MMP26: variants seen among roughly 807,000 people sequenced by gnomAD.
MMP26 encodes matrix metallopeptidase 26, also known as matrix metalloproteinase-26.
In MMP26, 33 loss-of-function variants were observed where a neutral mutation model predicts 31.0. That is an observed-to-expected ratio of 1.06 (90% CI 0.81 to 1.42). The LOEUF is 1.42. MMP26 is among the 40% of genes most tolerant of loss of function. The probability of loss-of-function intolerance (pLI) is 0.00; values close to 1 mark genes in which losing one functional copy is unlikely to be tolerated. For synonymous variants in MMP26, 122 were observed against 114.9 expected (o/e 1.06, Z -0.40); for missense variants, 347 against 316.1 (o/e 1.10, Z -0.74).
At chr11:4,946,091 A>G in intron 2 of MMP26, 3 of 1,375,702 alleles carry the variant, frequency 2.2e-6, no homozygotes, top group Admixed American at 3.6e-5. Flanking sequence ...GGTGTCAAAT[A>G]TTAGGTTTCT....
rs77560933 is a variant in MMP26 at position 4,818,581 on chromosome 11, G to A, written c.-145+51240G>A. Among the ~76,000 whole-genome samples, 1,486 of 151,528 alleles carry A rather than the reference G, an allele frequency of 9.8e-3. 22 individuals are homozygous for A. Among genetic ancestry groups the A allele is most frequent in the African/African-American group, 0.025 (1,024 of 41,328 alleles). Reference sequence around the variant, plus strand: ...TTCATCTTTGTTAATTGCTTCTTTCGATATTTATTTAATTATAATCCCAGC... The same window carrying A: ...TTCATCTTTGTTAATTGCTTCTTTCAATATTTATTTAATTATAATCCCAGC... On this transcript the variant is annotated intron_variant, in intron 2 of 7. Transcript: ENST00000380390.
At chr11:4,900,318 A>G (rs1424897736) in intron 2 of MMP26, among the ~76,000 whole-genome samples, 1 of 152,176 alleles carries the variant, frequency 6.6e-6, no homozygotes, top group Non-Finnish European at 1.5e-5. Flanking sequence ...TACACCCATC[A>G]TATGTGTCAA....
chr11:4,841,549 A>C (rs1849796484), intron 2 of MMP26, among the ~76,000 whole-genome samples: 1 of 152,198 alleles, frequency 6.6e-6, no homozygotes, highest in Admixed American at 6.5e-5. Context: ...TAATATATCC[A>C]GTGAAAATAT....
intron 2 of MMP26, chr11:4,847,960 A>G (rs896694221): frequency 7.8e-6 from 3 of 383,618 alleles, no homozygotes; most frequent in Non-Finnish European, 1.4e-5. Flanking sequence ...CAATAAGATA[A>G]CAACAGGCAC....
At chr11:4,946,724 A>C in intron 2 of MMP26, 1 of 1,589,818 alleles carries the variant, frequency 6.3e-7, no homozygotes, top group Non-Finnish European at 8.6e-7. Flanking sequence ...GTGGATGGCT[A>C]GGAATCTATC....
Position 4,793,746 on chromosome 11 carries a change from A to G in MMP26, c.-145+26405A>G, listed in dbSNP as rs549159284. ...TGGTCCTTGATTAACAGGAATAAAG[A>G]AAATCAAGTTGGTGATTCTATGGCA... On this transcript the variant is annotated intron_variant, in intron 2 of 7. Coordinates refer to ENST00000380390, the MANE Select transcript of MMP26 (RefSeq NM_021801.5). The G allele has an allele frequency of 5.3e-5, 8 of 152,336 alleles. No homozygotes were observed. In the Middle Eastern group the frequency reaches 0.014, roughly 259 times the overall value. The allele number at this position is 152,336 out of a possible 1,614,324, so 9.4% of individuals were successfully genotyped here. A position where few individuals can be genotyped will look rare whatever the true frequency, so the allele number is the denominator to read the frequency against.
intron 2 of MMP26, chr11:4,882,339 G>C: frequency 6.2e-7 from 1 of 1,613,616 alleles, no homozygotes; most frequent in South Asian, 1.1e-5. Flanking sequence ...CTGGTGATAG[G>C]GCTGGTCATC....
At chr11:4,840,006 G>A (rs1267046920) in intron 2 of MMP26, among the ~76,000 whole-genome samples, 2 of 152,072 alleles carry the variant, frequency 1.3e-5, no homozygotes, top group African/African-American at 4.8e-5. Context: ...AAGAGCCCTT[G>A]GGCCTTACAG....
rs73403061 is a variant in MMP26 at position 4,827,664 on chromosome 11, A to C, written c.-145+60323A>C. Among the ~76,000 whole-genome samples the C allele has an allele frequency of 4.3e-3, 657 of 152,126 alleles. 9 individuals carry two copies. Among genetic ancestry groups the C allele is most frequent in the African/African-American group, 0.015 (613 of 41,548 alleles). ...GTTATTATTTATTGTTGTTAACAAT[A>C]AATAAAAAGGAGAAGTAAGGGAAAG... is the stretch of plus-strand genomic sequence containing the variant. On this transcript the variant is annotated intron_variant, in intron 2 of 7. Transcript: ENST00000380390.
chr11:4,804,520 A>G (rs1335933902), intron 2 of MMP26: 5 of 791,372 alleles, frequency 6.3e-6, no homozygotes, highest in Admixed American at 1.7e-5. Context: ...ATTATAAACT[A>G]GAATAATTTC....
At chr11:4,974,280 G>A (rs951581179) in intron 2 of MMP26, among the ~76,000 whole-genome samples, 1 of 150,894 alleles carries the variant, frequency 6.6e-6, no homozygotes, top group Non-Finnish European at 1.5e-5. Flanking sequence ...TAAAATTTCT[G>A]TCATAAAAAT....
chr11:4,936,111 T>G (rs959457443), intron 2 of MMP26, among the ~76,000 whole-genome samples: 1 of 148,782 alleles, frequency 6.7e-6, no homozygotes, highest in Non-Finnish European at 1.5e-5. Flanking sequence ...TAGGGAGGAT[T>G]CCTTCTTTTT....
chr11:4,719,996 A>C (rs1847988983), intron 1 of MMP26, among the ~76,000 whole-genome samples: 1 of 152,234 alleles, frequency 6.6e-6, no homozygotes, highest in Non-Finnish European at 1.5e-5. Context: ...GAATCTTATA[A>C]ACGAAATTTA....
intron 2 of MMP26, among the ~76,000 whole-genome samples, chr11:4,960,899 G>T (rs535347772): frequency 8.4e-4 from 128 of 152,116 alleles, no homozygotes; most frequent in African/African-American, 3.0e-3. Flanking sequence ...AATCACAGGG[G>T]TATAATAGTT....
At chr11:4,855,388 G>A (rs747722008) in intron 2 of MMP26, among the ~76,000 whole-genome samples, 2 of 152,144 alleles carry the variant, frequency 1.3e-5, no homozygotes, top group Non-Finnish European at 2.9e-5. Context: ...GACCTGAAAT[G>A]AGCTGGAAAC....
rs1404837630 is a variant in MMP26 at position 4,950,546 on chromosome 11, T to C, written c.-144-37522T>C. ...GGGGATGGGGGGAGTCTGGAGATGA[T>C]AGTCAAAAGGTAAAAAGTTAGAAAG... is the stretch of plus-strand genomic sequence containing the variant. On this transcript the variant is annotated intron_variant, in intron 2 of 7. Transcript: ENST00000380390. Among the ~76,000 whole-genome samples the C allele has an allele frequency of 3.3e-5, 4 of 119,936 alleles. 1 individual carries two copies. Among genetic ancestry groups the C allele is most frequent in the Non-Finnish European group, 7.5e-5 (4 of 53,116 alleles). 78.7% of individuals were successfully genotyped at this position (119,936 alleles called of 152,430 possible).
chr11:4,876,378 C>A (rs1850379236), intron 2 of MMP26: 2 of 152,162 alleles, frequency 1.3e-5, no homozygotes, highest in Admixed American at 1.3e-4. Context: ...AGCATTCTCG[C>A]TTCATGAAGC....
chr11:4,936,727 A>G (rs1846118435), intron 2 of MMP26, among the ~76,000 whole-genome samples: 1 of 152,156 alleles, frequency 6.6e-6, no homozygotes, highest in Admixed American at 6.6e-5. Flanking sequence ...GAGAAGATAA[A>G]TGTATTTTTT....
At chr11:4,715,638 A>C (rs1046692674) in intron 1 of MMP26, among the ~76,000 whole-genome samples, 1 of 152,214 alleles carries the variant, frequency 6.6e-6, no homozygotes, top group Non-Finnish European at 1.5e-5. Flanking sequence ...AAGGTCACTA[A>C]TAAAACTGGA....
Sources: gnomAD v4.1 joint callset for allele counts (sites outside exome capture counted in the v4.1 genomes callset) on GRCh38, gnomAD v4.1.1 for gene constraint, MANE v1.5 for transcripts, NCBI Gene and HGNC (gene_info 2026-07-23, HGNC 2026-07-21) for gene names.